RPL23: variants seen among roughly 807,000 people sequenced by gnomAD.
RPL23 encodes the protein large ribosomal subunit protein uL14.
For synonymous variants in RPL23, 63 were observed against 65.3 expected (o/e 0.97, Z 0.17); for missense variants, 79 against 178.8 (o/e 0.44, Z 3.18).
At chr17:38,853,621 T>C in intron 1 of RPL23, 77 bp downstream of exon 1, 2 of 1,589,764 alleles carry the variant, frequency 1.3e-6, no homozygotes, top group Non-Finnish European at 1.7e-6. Flanking sequence ...CCCAGCTGCC[T>C]AGGGCCACCG....
At chr17:38,850,306 C>A in intron 4 of RPL23, 56 bp downstream of exon 4, 1 of 1,567,712 alleles carries the variant, frequency 6.4e-7, no homozygotes, top group East Asian at 2.2e-5. Context: ...GCCTGTACTT[C>A]TAGACAATCC....
chr17:38,851,518 G>A (rs1048533198), intron 3 of RPL23: 2 of 152,184 alleles, frequency 1.3e-5, no homozygotes, highest in African/African-American at 2.4e-5. Context: ...AGTGTTCGGA[G>A]CTCTGGTCTG....
rs780797285 is a variant in RPL23 at position 38,852,952 on chromosome 17, A to G, written c.97+70T>C. On this transcript the variant is annotated intron_variant, in intron 2 of 4. Coordinates refer to ENST00000479035, the MANE Select transcript of RPL23 (RefSeq NM_000978.4). ...CACTCTCCCCTTTCTTGACGGCTCA[A>G]TAGGTCATTAGCCACAGGCCCATTG... is the stretch of plus-strand genomic sequence containing the variant. The G allele has an allele frequency of 4.1e-6, 6 of 1,464,532 alleles. No homozygotes were observed. The Admixed American group carries it at 5.0e-5, about 12-fold the overall frequency. 90.7% of individuals were successfully genotyped at this position (1,464,532 alleles called of 1,614,324 possible). A position where few individuals can be genotyped will look rare whatever the true frequency, so the allele number is the denominator to read the frequency against.
Position 38,850,033 on chromosome 17 carries a change from G to A in RPL23, c.*99C>T, listed in dbSNP as rs1050865914. 9.5e-6 allele frequency: 8 copies of A among 845,262 alleles called. No individual in the cohort carries two copies. The highest frequency in any genetic ancestry group is 5.3e-5 in the African/African-American group (3 of 56,750). 52.4% of individuals were successfully genotyped at this position (845,262 alleles called of 1,614,324 possible). A position where few individuals can be genotyped will look rare whatever the true frequency, so the allele number is the denominator to read the frequency against. On this transcript the variant is annotated 3_prime_UTR_variant, in exon 5 of 5. Coordinates refer to ENST00000479035, the MANE Select transcript of RPL23 (RefSeq NM_000978.4). ...CTTAGGAGGCTGAGGCAGGAGAATC[G>A]CTTGAACCCTGGAAGTGAACAGGGA...
At chr17:38,853,369 C>T (rs1292450044) in intron 1 of RPL23, 2 of 698,062 alleles carry the variant, frequency 2.9e-6, no homozygotes, top group Admixed American at 4.1e-5. Flanking sequence ...TTTCGCAAAA[C>T]GCAATTACTC....
chr17:38,853,137 A>T (rs1285304408), intron 1 of RPL23, 32 bp from the exon 2 acceptor site: 3 of 1,536,848 alleles, frequency 2.0e-6, no homozygotes, highest in Non-Finnish European at 1.8e-6. Flanking sequence ...AAACAGGATA[A>T]AGAGATCACA....
At chr17:38,851,297 G>A (rs548638071) in intron 3 of RPL23, 1 of 152,178 alleles carries the variant, frequency 6.6e-6, no homozygotes, top group Non-Finnish European at 1.5e-5. Flanking sequence ...ACACACATGA[G>A]GTAGCCAATA....
rs1199373306 is a variant in RPL23 at position 38,847,909 on chromosome 17, A to G, written c.*2223T>C. 6.7e-7 allele frequency: 1 copy of G among 1,502,862 alleles called. No individual in the cohort carries two copies. The highest frequency in any genetic ancestry group is 2.5e-5 in the East Asian group (1 of 40,130). 93.1% of individuals were successfully genotyped at this position (1,502,862 alleles called of 1,614,324 possible). ...AATCCAAGTCAAAAAAAATCTCCAA[A>G]GAATAAAATGTGAGGTGGGATGCAG... On this transcript the variant is annotated 3_prime_UTR_variant, in exon 5 of 5. Transcript: ENST00000479035.
At chr17:38,852,264 T>G (rs1310009770) in intron 3 of RPL23, 1 of 206,284 alleles carries the variant, frequency 4.8e-6, no homozygotes, top group South Asian at 8.6e-5. Context: ...GTTTTCGTTT[T>G]GTAATATATT....
chr17:38,852,476 G>A (rs927923298), intron 3 of RPL23, 128 bp downstream of exon 3: 2 of 1,187,384 alleles, frequency 1.7e-6, no homozygotes, highest in Admixed American at 2.2e-5. Flanking sequence ...AAAAACTTAA[G>A]ATACTTATCT....
rs771455590 is a variant in RPL23, at chr17:38,850,484, AG to A, written c.227-10del. The stretch of plus-strand genomic sequence containing the variant: ...GACCACTGCTGGATGTACTGAGAGA[AG>A]AAAAAAGGACAGCAGTCATTAACCT... On this transcript the variant is annotated splice_polypyrimidine_tract_variant and intron_variant, in intron 3 of 4. Transcript: ENST00000479035. 3 of 1,596,642 alleles carry A rather than the reference AG, an allele frequency of 1.9e-6. No homozygotes were observed. The highest frequency in any genetic ancestry group is 2.6e-6 in the Non-Finnish European group (3 of 1,164,816).
In RPL23 at chr17:38,849,863, A is replaced by C; in HGVS notation, c.*269T>G. On this transcript the variant is annotated 3_prime_UTR_variant, in exon 5 of 5. Transcript: ENST00000479035. ...ATTTCAGAAAAGTGATGGTCAGGGT[A>C]TGTCAAAAACACTGTAGAGGCCTGG... The C allele has an allele frequency of 3.3e-6, 1 of 306,646 alleles. No homozygotes were observed. Among genetic ancestry groups the C allele is most frequent in the East Asian group, 5.7e-5 (1 of 17,564 alleles). 19.0% of individuals were successfully genotyped at this position (306,646 alleles called of 1,614,324 possible). A position where few individuals can be genotyped will look rare whatever the true frequency, so the allele number is the denominator to read the frequency against.
In RPL23 at chr17:38,848,236, T is replaced by G; in HGVS notation, c.*1896A>C. ...TGGTGTAACTCTCTAAAACTAGAGA[T>G]TTAATACATTTTTTTTCTTTCCCCC... On this transcript the variant is annotated 3_prime_UTR_variant, in exon 5 of 5. Transcript: ENST00000479035. 1.4e-6 allele frequency: 1 copy of G among 697,004 alleles called. No individual in the cohort carries two copies. Among genetic ancestry groups the G allele is most frequent in the Non-Finnish European group, 2.0e-6 (1 of 497,396 alleles). The allele number at this position is 697,004 out of a possible 1,614,324, so 43.2% of individuals were successfully genotyped here. A position where few individuals can be genotyped will look rare whatever the true frequency, so the allele number is the denominator to read the frequency against.
chr17:38,851,814 A>C (rs886736598), intron 3 of RPL23: 1 of 152,264 alleles, frequency 6.6e-6, no homozygotes, highest in African/African-American at 2.4e-5. Flanking sequence ...ACTGTAATAC[A>C]GGGCTGACAA....
At position 38,847,991 on chromosome 17, in the gene RPL23, C is replaced by T. The variant is rs1912904580; in HGVS notation, c.*2141G>A. ...GGCCACAGCAGGAGGATTCCAAGTCCAGCAGTTCAAAGTTACAGTGAGCTT... is the reference window on the plus strand; with the variant it reads ...GGCCACAGCAGGAGGATTCCAAGTCTAGCAGTTCAAAGTTACAGTGAGCTT... On this transcript the variant is annotated 3_prime_UTR_variant, in exon 5 of 5. Coordinates refer to ENST00000479035, the MANE Select transcript of RPL23 (RefSeq NM_000978.4). The T allele has an allele frequency of 6.5e-7, 1 of 1,550,134 alleles. No homozygotes were observed. The highest frequency in any genetic ancestry group is 1.4e-5 in the African/African-American group (1 of 73,118).
At position 38,849,829 on chromosome 17, in the gene RPL23, A is replaced by G. The variant is rs1017196441; in HGVS notation, c.*303T>C. On this transcript the variant is annotated 3_prime_UTR_variant, in exon 5 of 5. Coordinates refer to ENST00000479035, the MANE Select transcript of RPL23 (RefSeq NM_000978.4). Reference sequence around the variant, plus strand: ...GGATTGCTTTAAAAAAAAAATGCCCAGAGTTTCCATTTCAGAAAAGTGATG... The same window carrying G: ...GGATTGCTTTAAAAAAAAAATGCCCGGAGTTTCCATTTCAGAAAAGTGATG... The G allele has an allele frequency of 3.7e-5, 9 of 243,216 alleles. No individual in the cohort carries two copies. The highest frequency in any genetic ancestry group is 2.2e-4 in the Admixed American group (4 of 18,460). 15.1% of individuals were successfully genotyped at this position (243,216 alleles called of 1,614,324 possible).
In RPL23 at chr17:38,853,202, T is replaced by C. The variant is rs932148095; in HGVS notation, c.14-97A>G. The stretch of plus-strand genomic sequence containing the variant: ...TACTCAAGCTGTAATTCACCGCACA[T>C]GCTTTGATAGACTGTACGCTATAGA... On this transcript the variant is annotated intron_variant, in intron 1 of 4. Transcript: ENST00000479035. 3 of 911,526 alleles carry C rather than the reference T, an allele frequency of 3.3e-6. No homozygotes were observed. In the African/African-American group the frequency reaches 4.9e-5, roughly 15 times the overall value. The allele number at this position is 911,526 out of a possible 1,614,324, so 56.5% of individuals were successfully genotyped here.
rs931216366 is a variant in RPL23, at chr17:38,851,754, G to T, written c.226+850C>A. 4.6e-5 allele frequency: 7 copies of T among 152,154 alleles called. 1 individual carries two copies. The highest frequency in any genetic ancestry group is 3.9e-4 in the Admixed American group (6 of 15,274). The allele number at this position is 152,154 out of a possible 1,614,324, so 9.4% of individuals were successfully genotyped here. On this transcript the variant is annotated intron_variant, in intron 3 of 4. Coordinates refer to ENST00000479035, the MANE Select transcript of RPL23 (RefSeq NM_000978.4). The stretch of plus-strand genomic sequence containing the variant: ...ACAAAAAACAATTTCTAACCCAAAG[G>T]CTAAAAATCTACTGGACAGCATCGT...
Position 38,850,096 on chromosome 17 carries a change from G to GTT in RPL23, c.*34_*35dup. On this transcript the variant is annotated 3_prime_UTR_variant, in exon 5 of 5. Transcript: ENST00000479035. Reference sequence around the variant, plus strand: ...AAACAAATACTTTTTAATGGGTTTAGTTTTTTTTTTTATTTTTTACAAATA... The same window carrying GTT: ...AAACAAATACTTTTTAATGGGTTTAGTTTTTTTTTTTTTATTTTTTACAAATA... The GTT allele has an allele frequency of 1.2e-5, 17 of 1,435,882 alleles. No individual in the cohort carries two copies. Among genetic ancestry groups the GTT allele is most frequent in the Middle Eastern group, 2.5e-4 (1 of 3,922 alleles). The allele number at this position is 1,435,882 out of a possible 1,614,324, so 88.9% of individuals were successfully genotyped here.
Sources: allele counts gnomAD v4.1 joint callset, GRCh38; gene constraint gnomAD v4.1.1; transcripts MANE v1.5; gene names NCBI Gene and HGNC (gene_info 2026-07-23, HGNC 2026-07-21).